DNMT3B: variants seen among roughly 807,000 people sequenced by gnomAD.
The protein encoded by DNMT3B is DNA methyltransferase 3 beta, also known as DNA (cytosine-5)-methyltransferase 3B.
In DNMT3B, 37 loss-of-function variants were observed where a neutral mutation model predicts 120.2. That is an observed-to-expected ratio of 0.31 (90% CI 0.24 to 0.40). The LOEUF (loss-of-function observed/expected upper bound fraction) is 0.40, where lower values mean the gene tolerates loss of function less well. Ranked by LOEUF, DNMT3B falls within the 10% of genes least tolerant of loss-of-function variation. The pLI is 1.00. For missense variants in DNMT3B, 878 were observed against 1,137.3 expected (o/e 0.77, Z 3.28); for synonymous variants, 412 against 442.8 (o/e 0.93, Z 0.87).
intron 20 of DNMT3B, among the ~76,000 whole-genome samples, chr20:32,803,230 G>A (rs1358070728): frequency 6.6e-6 from 1 of 152,242 alleles, no homozygotes; most frequent in African/African-American, 2.4e-5. Flanking sequence ...TCTTCTATAT[G>A]TGGTTTCAAG....
chr20:32,806,403 C>G (rs965801236), intron 22 of DNMT3B, 76 bp downstream of exon 22: 13 of 1,368,020 alleles, frequency 9.5e-6, no homozygotes, highest in Middle Eastern at 1.8e-4. Flanking sequence ...AGGTGCTTAC[C>G]TTCATTCTTG....
At chr20:32,793,663 A>G in intron 10 of DNMT3B, 68 bp downstream of exon 10, 1 of 1,564,630 alleles carries the variant, frequency 6.4e-7, no homozygotes, top group South Asian at 1.1e-5. Context: ...CTTTGCATAT[A>G]AAATGGTCAC....
rs768199189 is a variant in DNMT3B, at chr20:32,780,419, C to T, written c.96C>T (p.Ser32=). 6.8e-5 allele frequency: 110 copies of T among 1,613,732 alleles called. No individual in the cohort carries two copies. Among genetic ancestry groups the T allele is most frequent in the South Asian group, 6.7e-4 (61 of 91,058 alleles). Reference sequence around the variant, plus strand: ...ACGGGGCCTGCAGCGACCAGTCCTCCGACTCGCCCCCAATCCTGGAGGCTA... The same window carrying T: ...ACGGGGCCTGCAGCGACCAGTCCTCTGACTCGCCCCCAATCCTGGAGGCTA... ...LVNGACSDQS[S]DSPPILEAIR... The change falls in exon 2 of 23, where the codon TCC becomes TCT. Residue 32 remains serine (S), a synonymous_variant. Transcript: ENST00000328111.
chr20:32,796,764 A>T, intron 12 of DNMT3B, 26 bp from the exon 13 acceptor site: 1 of 1,614,122 alleles, frequency 6.2e-7, no homozygotes. Context: ...CAACTGCCAA[A>T]AGCCACAACC....
At chr20:32,771,923 A>AC (rs1015579739) in intron 1 of DNMT3B, among the ~76,000 whole-genome samples, 1 of 152,124 alleles carries the variant, frequency 6.6e-6, no homozygotes, top group African/African-American at 2.4e-5. Context: ...TAAGGTAGTT[A>AC]CCCCCCAAAC....
chr20:32,800,687 G>T, intron 17 of DNMT3B, 148 bp from the exon 18 acceptor site: 1 of 889,902 alleles, frequency 1.1e-6, no homozygotes, highest in Non-Finnish European at 1.9e-6. Flanking sequence ...TCGAACTCCT[G>T]ACCTCAGGTA....
At chr20:32,797,008 T>C in intron 13 of DNMT3B, 139 bp downstream of exon 13, 1 of 1,611,510 alleles carries the variant, frequency 6.2e-7, no homozygotes, top group Non-Finnish European at 8.5e-7. Flanking sequence ...TGGGGCAGGA[T>C]GGGGGACAGC....
At chr20:32,780,496 C>G (rs770176873) in intron 2 of DNMT3B, 31 bp downstream of exon 2, 2 of 1,607,240 alleles carry the variant, frequency 1.2e-6, no homozygotes, top group South Asian at 1.1e-5. Flanking sequence ...GGGGTGGTGT[C>G]AGGCGCTGAC....
intron 18 of DNMT3B, 97 bp downstream of exon 18, chr20:32,801,022 C>T: frequency 6.9e-7 from 1 of 1,459,848 alleles, no homozygotes; most frequent in South Asian, 1.1e-5. Context: ...TGCTTCTGGC[C>T]AAGTTACTGG....
intron 15 of DNMT3B, among the ~76,000 whole-genome samples, 168 bp from the exon 16 acceptor site, chr20:32,799,076 G>A (rs982844888): frequency 4.6e-5 from 7 of 152,260 alleles, no homozygotes; most frequent in East Asian, 1.9e-4. Context: ...ATGCAGGCTC[G>A]TGTGGTACAC....
chr20:32,781,488 G>A (rs908198175), intron 3 of DNMT3B, 74 bp downstream of exon 3: 4 of 1,550,312 alleles, frequency 2.6e-6, no homozygotes, highest in East Asian at 4.5e-5. Context: ...GCTGCCTGAG[G>A]CCCATAAAAA....
intron 1 of DNMT3B, among the ~76,000 whole-genome samples, chr20:32,773,062 G>A (rs1164172716): frequency 1.7e-4 from 26 of 151,154 alleles, no homozygotes; most frequent in African/African-American, 5.4e-4. Flanking sequence ...CATGTAATCC[G>A]CCCTCCTCGG....
At chr20:32,788,767 G>A (rs894327855) in intron 6 of DNMT3B, 87 bp from the exon 7 acceptor site, 10 of 1,551,334 alleles carry the variant, frequency 6.4e-6, no homozygotes, top group African/African-American at 4.1e-5. Context: ...CAAGCTTTTT[G>A]TTGCCCTCAG....
Position 32,787,435 on chromosome 20 carries a change from A to G in DNMT3B, c.638A>G (p.Asp213Gly). 1 of 1,614,074 alleles carries G rather than the reference A, an allele frequency of 6.2e-7. No individual in the cohort carries two copies. Among genetic ancestry groups the G allele is most frequent in the Non-Finnish European group, 8.5e-7 (1 of 1,180,008 alleles). The stretch of plus-strand genomic sequence containing the variant: ...GTGGAGGCAGACAGTGGAGATGGAG[A>G]CAGTTCAGAGTATCAGGTATGGCCG... ...PQVEADSGDGDSSEYQDGKEF... is the reference protein window; with the variant it reads ...PQVEADSGDGGSSEYQDGKEF... Residue 213 changes from aspartate (D) to glycine (G), a missense_variant, in exon 6 of 23, where the codon GAC becomes GGC. Around this residue, in one of 4 missense-constraint regions of DNMT3B, gnomAD observed 287 missense variants for 306.2 expected, o/e 0.94. Transcript: ENST00000328111.
At position 32,809,164 on chromosome 20, in the gene DNMT3B, C is replaced by T. The variant is rs1378845312; in HGVS notation, c.*1261C>T. 1 of 214,552 alleles carries T rather than the reference C, an allele frequency of 4.7e-6. No homozygotes were observed. Among genetic ancestry groups the T allele is most frequent in the Non-Finnish European group, 9.4e-6 (1 of 106,304 alleles). The allele number at this position is 214,552 out of a possible 1,614,324, so 13.3% of individuals were successfully genotyped here. ...CAAGTTTTGTGGGGCTTTTTATACA[C>T]TTTTTAAAATCTCAAACTTCTATTT... On this transcript the variant is annotated 3_prime_UTR_variant, in exon 23 of 23. Coordinates refer to ENST00000328111, the MANE Select transcript of DNMT3B (RefSeq NM_006892.4).
intron 7 of DNMT3B, among the ~76,000 whole-genome samples, chr20:32,791,127 G>A (rs150056049): frequency 1.7e-3 from 258 of 152,270 alleles, no homozygotes; most frequent in African/African-American, 5.6e-3. Context: ...GTGCTGTGTC[G>A]AGCACTGTTT....
chr20:32,779,714 G>C (rs1601071709), intron 1 of DNMT3B: 1 of 275,386 alleles, frequency 3.6e-6, no homozygotes, highest in East Asian at 7.8e-5. Context: ...TGAGGGAGGA[G>C]GGGAGTGAGC....
In DNMT3B at chr20:32,795,452, T is replaced by C. The variant is rs767195542; in HGVS notation, c.1170T>C (p.Ser390=). 7 of 1,614,162 alleles carry C rather than the reference T, an allele frequency of 4.3e-6. No individual in the cohort carries two copies. Among genetic ancestry groups the C allele is most frequent in the Non-Finnish European group, 5.9e-6 (7 of 1,180,026 alleles). The change falls in exon 11 of 23, where the codon TCT becomes TCC. Residue 390 remains serine, a synonymous_variant. Transcript: ENST00000328111. ...RRRTADDSAT[S]DYCPAPKRLK... ...GCACAGCTGACGACTCAGCCACCTCTGACTACTGCCCCGCACCCAAGCGCC... is the reference window on the plus strand; with the variant it reads ...GCACAGCTGACGACTCAGCCACCTCCGACTACTGCCCCGCACCCAAGCGCC...
intron 1 of DNMT3B, among the ~76,000 whole-genome samples, chr20:32,773,689 T>A (rs534081395): frequency 5.3e-5 from 8 of 151,618 alleles, no homozygotes; most frequent in Non-Finnish European, 1.2e-4. Context: ...ATAGCTTTAC[T>A]GCAGCCTCAA....
Sources: allele counts gnomAD v4.1 joint callset (sites outside exome capture counted in the v4.1 genomes callset), GRCh38; gene constraint gnomAD v4.1.1; regional missense constraint gnomAD v4.1.1; transcripts MANE v1.5; gene names NCBI Gene and HGNC (gene_info 2026-07-23, HGNC 2026-07-21).